CACNA2D4: variants seen among roughly 807,000 people sequenced by gnomAD.
CACNA2D4 encodes calcium voltage-gated channel auxiliary subunit alpha2delta 4.
Under a neutral mutation model 163.8 loss-of-function variants are expected in CACNA2D4, and 157 were observed. The observed-to-expected ratio is 0.96, with a 90% CI of 0.84 to 1.09. The LOEUF is 1.09. Among genes scored for constraint, CACNA2D4 ranks in the 50% least tolerant of loss-of-function variants. The pLI is 0.00. For missense variants in CACNA2D4, 1,410 were observed against 1,479.9 expected (o/e 0.95, Z 0.78); for synonymous variants, 598 against 586.9 (o/e 1.02, Z -0.27).
In CACNA2D4 at chr12:1,883,680, T is replaced by C. The variant is rs908908873; in HGVS notation, c.1351+563A>G. Among the ~76,000 whole-genome samples, 1 of 152,106 alleles carries C rather than the reference T, an allele frequency of 6.6e-6. No homozygotes were observed. Among genetic ancestry groups the C allele is most frequent in the African/African-American group, 2.4e-5 (1 of 41,416 alleles). On this transcript the variant is annotated intron_variant, in intron 12 of 37. Coordinates refer to ENST00000382722, the MANE Select transcript of CACNA2D4 (RefSeq NM_172364.5). This position sits in a 1 kb window ranked among gnomAD's most constrained non-coding sequence, Gnocchi z 4.5. ...CACCCTTCCAGTCGCCCCACTGACTTGGAGAGTGCCTCCCCCATGGCCCCC... is the reference window on the plus strand; with the variant it reads ...CACCCTTCCAGTCGCCCCACTGACTCGGAGAGTGCCTCCCCCATGGCCCCC...
chr12:1,878,187 T>G lies in CACNA2D4; in HGVS notation c.1719+128A>C. 9.6e-7 allele frequency: 1 copy of G among 1,047,016 alleles called. No individual in the cohort carries two copies. Among genetic ancestry groups the G allele is most frequent in the East Asian group, 2.6e-5 (1 of 37,980 alleles). The allele number at this position is 1,047,016 out of a possible 1,614,324, so 64.9% of individuals were successfully genotyped here. A position where few individuals can be genotyped will look rare whatever the true frequency, so the allele number is the denominator to read the frequency against. ...CAGGGACCATGACTCGAATACATTT[T>G]TTTTCTCATATTACCCACTGGGTTC... On this transcript the variant is annotated intron_variant, in intron 16 of 37. Transcript: ENST00000382722. The surrounding 1 kb of genome is among the most constrained non-coding windows in gnomAD (Gnocchi z 4.6).
intron 26 of CACNA2D4, chr12:1,827,397 C>G (rs116885675): frequency 6.5e-6 from 1 of 152,870 alleles, no homozygotes; most frequent in South Asian, 2.1e-4. Flanking sequence ...GTGTCCCTGT[C>G]TCTTCCTAGC....
In CACNA2D4 at chr12:1,828,282, G is replaced by A. The variant is rs567653457; in HGVS notation, c.2551+12457C>T. 3,338 of 1,362,564 alleles carry A rather than the reference G, an allele frequency of 2.4e-3. 4 individuals carry two copies. The highest frequency in any genetic ancestry group is 3.0e-3 in the Non-Finnish European group (3,045 of 1,001,860). The allele number at this position is 1,362,564 out of a possible 1,614,324, so 84.4% of individuals were successfully genotyped here. ...GGGGGTGCCGAGGTGACTGTAGGTA[G>A]CGCCATATGGGACCTTAGCCACACT... On this transcript the variant is annotated intron_variant, in intron 26 of 37. Coordinates refer to ENST00000382722, the MANE Select transcript of CACNA2D4 (RefSeq NM_172364.5). The surrounding 1 kb of genome is among the most constrained non-coding windows in gnomAD (Gnocchi z 4.2).
In CACNA2D4 at chr12:1,833,013, G is replaced by A. The variant is rs1864698666; in HGVS notation, c.2551+7726C>T. Among the ~76,000 whole-genome samples, 2 of 152,160 alleles carry A rather than the reference G, an allele frequency of 1.3e-5. No homozygotes were observed. The highest frequency in any genetic ancestry group is 6.5e-5 in the Admixed American group (1 of 15,280). ...GCTGCAGGCCACCGAGGTGTCAGCC[G>A]CACAGGGGAACTAGGCCGGGTGTCT... On this transcript the variant is annotated intron_variant, in intron 26 of 37. Transcript: ENST00000382722. The surrounding 1 kb of genome is among the most constrained non-coding windows in gnomAD (Gnocchi z 4.2).
At position 1,857,563 on chromosome 12, in the gene CACNA2D4, T is replaced by G. The variant is rs75307153; in HGVS notation, c.2008+1014A>C. Among the ~76,000 whole-genome samples the G allele has an allele frequency of 3.5e-3, 536 of 152,238 alleles. 3 individuals carry two copies. The highest frequency in any genetic ancestry group is 0.021 in the East Asian group (111 of 5,174). On this transcript the variant is annotated intron_variant, in intron 20 of 37. Transcript: ENST00000382722. ...ACTCAGCAGATAGCAGAGGGTAGTA[T>G]GTGGGTGTTAAACAGAAAGTGGCCA...
intron 23 of CACNA2D4, 74 bp downstream of exon 23, chr12:1,853,877 G>A (rs2154448282): frequency 8.4e-7 from 1 of 1,186,670 alleles, no homozygotes; most frequent in South Asian, 1.3e-5. Flanking sequence ...GCCAGATGGT[G>A]AGAGGGGTCC....
rs546480992 is a variant in CACNA2D4 at position 1,795,550 on chromosome 12, C to A, written c.3226+118G>T. The stretch of plus-strand genomic sequence containing the variant: ...AAGGGTTAGAGAACAAATAACGGAG[C>A]CCTGTGGAGGACACGGGCGGTGAAG... On this transcript the variant is annotated intron_variant, in intron 36 of 37. Coordinates refer to ENST00000382722, the MANE Select transcript of CACNA2D4 (RefSeq NM_172364.5). The A allele has an allele frequency of 7.1e-6, 6 of 845,876 alleles. No individual in the cohort carries two copies. In the South Asian group the frequency reaches 7.2e-5, roughly 10 times the overall value. The allele number at this position is 845,876 out of a possible 1,614,324, so 52.4% of individuals were successfully genotyped here.
chr12:1,881,568 A>T (rs1194009388), intron 13 of CACNA2D4, among the ~76,000 whole-genome samples: 1 of 152,226 alleles, frequency 6.6e-6, no homozygotes. Flanking sequence ...AGATGAATGC[A>T]CGGGTGATGG....
At chr12:1,900,337 G>C (rs1306205192) in intron 6 of CACNA2D4, among the ~76,000 whole-genome samples, 2 of 152,110 alleles carry the variant, frequency 1.3e-5, no homozygotes, top group African/African-American at 4.8e-5. Flanking sequence ...GTCTCACTAT[G>C]TTACCCAGGC....
chr12:1,856,045 G>C lies in CACNA2D4; in HGVS notation c.2119C>G (p.Arg707Gly), dbSNP rs369720566. The C allele has an allele frequency of 5.0e-6, 8 of 1,613,872 alleles. No individual in the cohort carries two copies. The highest frequency in any genetic ancestry group is 1.7e-5 in the Admixed American group (1 of 60,016). ...RKLSQLEAMI[R>G]FLTRKDPDLE... ...TCTGGGTCCTTCCTGGTGAGGAAGC[G>C]GATCATGGCCTCTAGCTGGCTGAGC... is the stretch of plus-strand genomic sequence containing the variant. Residue 707 changes from arginine (R) to glycine (G), a missense_variant, in exon 22 of 38, where the codon CGC becomes GGC. Coordinates refer to ENST00000382722, the MANE Select transcript of CACNA2D4 (RefSeq NM_172364.5).
intron 3 of CACNA2D4, among the ~76,000 whole-genome samples, chr12:1,910,955 T>G (rs886584450): frequency 6.6e-6 from 1 of 152,134 alleles, no homozygotes; most frequent in African/African-American, 2.4e-5. Context: ...GTGGATGTAC[T>G]TAATGCCACT....
intron 19 of CACNA2D4, among the ~76,000 whole-genome samples, chr12:1,859,256 G>T (rs1865470970): frequency 6.6e-6 from 1 of 152,076 alleles, no homozygotes; most frequent in Non-Finnish European, 1.5e-5. Context: ...GTACTCGGGA[G>T]GCTGAGGTGG....
At chr12:1,854,854 T>C (rs1459635210) in intron 22 of CACNA2D4, among the ~76,000 whole-genome samples, 4 of 152,222 alleles carry the variant, frequency 2.6e-5, no homozygotes, top group Non-Finnish European at 5.9e-5. Context: ...TTTATCTTTA[T>C]TGAGGTAAAA....
chr12:1,800,267 C>G, intron 32 of CACNA2D4, 119 bp downstream of exon 32: 1 of 1,165,424 alleles, frequency 8.6e-7, no homozygotes, highest in South Asian at 1.3e-5. Context: ...GCCCTCCTTC[C>G]CCGGGGTCTG....
intron 5 of CACNA2D4, 87 bp from the exon 6 acceptor site, chr12:1,907,658 T>C (rs1044718954): frequency 5.0e-5 from 44 of 871,678 alleles, no homozygotes; most frequent in African/African-American, 9.4e-5. Flanking sequence ...GGTGGGCGTG[T>C]CTGGTGGGCG....
intron 35 of CACNA2D4, chr12:1,796,044 A>G: frequency 2.0e-6 from 1 of 499,586 alleles, no homozygotes; most frequent in Non-Finnish European, 3.6e-6. Flanking sequence ...CGCTTTGGAG[A>G]GTGCAGAGTT....
chr12:1,882,130 A>C (rs895736913), intron 13 of CACNA2D4, among the ~76,000 whole-genome samples: 3 of 152,230 alleles, frequency 2.0e-5, no homozygotes, highest in Non-Finnish European at 2.9e-5. Flanking sequence ...CCTCCTGAGC[A>C]TGAGGATGAG....
In CACNA2D4 at chr12:1,834,195, A is replaced by C. The variant is rs1864750154; in HGVS notation, c.2551+6544T>G. 6.7e-7 allele frequency: 1 copy of C among 1,487,452 alleles called. No homozygotes were observed. The highest frequency in any genetic ancestry group is 9.0e-7 in the Non-Finnish European group (1 of 1,116,324). The allele number at this position is 1,487,452 out of a possible 1,614,324, so 92.1% of individuals were successfully genotyped here. A position where few individuals can be genotyped will look rare whatever the true frequency, so the allele number is the denominator to read the frequency against. On this transcript the variant is annotated intron_variant, in intron 26 of 37. Transcript: ENST00000382722. This position sits in a 1 kb window ranked among gnomAD's most constrained non-coding sequence, Gnocchi z 7.6. ...ACCTTCTGGGGCTTCCGTTTTGGGG[A>C]GCTGGGGATGGGGAGAGGGAGTGCA...
At chr12:1,918,159 G>A in intron 1 of CACNA2D4, 88 bp downstream of exon 1, 1 of 926,744 alleles carries the variant, frequency 1.1e-6, no homozygotes, top group Non-Finnish European at 1.7e-6. Flanking sequence ...AGGGGCGGGA[G>A]GAGTGGGCAG....
Sources: gnomAD v4.1 joint callset for allele counts (sites outside exome capture counted in the v4.1 genomes callset) on GRCh38, gnomAD v4.1.1 for gene constraint, Gnocchi (gnomAD v3.1) non-coding constraint, MANE v1.5 for transcripts, NCBI Gene and HGNC (gene_info 2026-07-23, HGNC 2026-07-21) for gene names.